DPYD: variants seen among roughly 807,000 people sequenced by gnomAD.
The protein encoded by DPYD is dihydropyrimidine dehydrogenase.
Under a neutral mutation model 116.2 loss-of-function variants are expected in DPYD, and 109 were observed. The ratio of observed to expected loss-of-function variants is 0.94; its 90% confidence interval spans 0.80 to 1.10. DPYD has a LOEUF of 1.10. Ranked by LOEUF, DPYD falls within the 50% of genes least tolerant of loss-of-function variation. The pLI is 0.00. For synonymous variants in DPYD, 440 were observed against 432.0 expected, an observed-to-expected ratio of 1.02 and a Z score of -0.23; for missense variants, 1,302 against 1,254.5, an observed-to-expected ratio of 1.04 and a Z score of -0.57.
At chr1:97,184,017 G>A (rs748734413) in intron 20 of DPYD, among the ~76,000 whole-genome samples, 4 of 151,930 alleles carry the variant, frequency 2.6e-5, no homozygotes, top group Non-Finnish European at 5.9e-5. Context: ...AAAATGGAGT[G>A]TTTAGTTTTC....
chr1:97,605,339 T>C (rs888958334), intron 8 of DPYD, among the ~76,000 whole-genome samples: 4 of 152,000 alleles, frequency 2.6e-5, no homozygotes, highest in African/African-American at 9.7e-5. Flanking sequence ...AGGGACCTGG[T>C]GGGAGGTAAC....
chr1:97,507,642 CAT>C (rs777250573), intron 13 of DPYD, among the ~76,000 whole-genome samples: 9 of 151,962 alleles, frequency 5.9e-5, no homozygotes, highest in Non-Finnish European at 8.8e-5. Flanking sequence ...AATATTATTA[CAT>C]GACATGTTTG....
At chr1:97,799,964 G>A (rs1209961908) in intron 3 of DPYD, among the ~76,000 whole-genome samples, 1 of 151,846 alleles carries the variant, frequency 6.6e-6, no homozygotes, top group Non-Finnish European at 1.5e-5. Flanking sequence ...TCCCCCATTA[G>A]TAGTGATATT....
At chr1:97,684,334 G>A (rs761263573) in intron 7 of DPYD, among the ~76,000 whole-genome samples, 5 of 152,014 alleles carry the variant, frequency 3.3e-5, no homozygotes, top group Non-Finnish European at 7.4e-5. Flanking sequence ...TTCCAATTGC[G>A]TGGTTCTGAG....
chr1:97,381,484 T>C (rs1012088513), intron 15 of DPYD, among the ~76,000 whole-genome samples: 2 of 152,150 alleles, frequency 1.3e-5, no homozygotes, highest in Non-Finnish European at 2.9e-5. Context: ...GGTAAATACA[T>C]GTATCAAATG....
At chr1:97,624,118 A>C (rs1353069515) in intron 8 of DPYD, among the ~76,000 whole-genome samples, 1 of 152,056 alleles carries the variant, frequency 6.6e-6, no homozygotes, top group African/African-American at 2.4e-5. Context: ...AAGCAAAAAT[A>C]GAGAAATGGG....
intron 11 of DPYD, 28 bp downstream of exon 11, chr1:97,573,732 T>C (rs1557808722): frequency 6.2e-7 from 1 of 1,612,756 alleles, no homozygotes; most frequent in Non-Finnish European, 8.5e-7. Context: ...GACAATTGCA[T>C]CACACATTTC....
intron 3 of DPYD, among the ~76,000 whole-genome samples, chr1:97,747,196 TACAGAAACAGTA>T (rs1303975962): frequency 2.6e-5 from 4 of 152,096 alleles, no homozygotes; most frequent in Admixed American, 2.6e-4. Context: ...ATATCAATAA[TACAGAAACAGTA>T]ACAGTAAAGA....
At position 97,470,449 on chromosome 1, in the gene DPYD, A is replaced by G. The variant is rs566152824; in HGVS notation, c.1741-20226T>C. Among the ~76,000 whole-genome samples the G allele has an allele frequency of 2.0e-5, 3 of 152,110 alleles. No homozygotes were observed. The South Asian group carries it at 6.2e-4, about 32-fold the overall frequency. Reference sequence around the variant, plus strand: ...AATGTGTGGCACAATACAAATGATTATTATGATTTCGTGGTCTTCCATGAA... The same window carrying G: ...AATGTGTGGCACAATACAAATGATTGTTATGATTTCGTGGTCTTCCATGAA... On this transcript the variant is annotated intron_variant, in intron 13 of 22. Transcript: ENST00000370192.
In DPYD at chr1:97,724,491, C is replaced by T. The variant is rs565628107; in HGVS notation, c.322-2820G>A. On this transcript the variant is annotated intron_variant, in intron 4 of 22. Transcript: ENST00000370192. ...TTTAGTTCAAGTCTCAGTTGGAAGG[C>T]CTGAGAACCAGTTAAGTTTTAGTTT... Among the ~76,000 whole-genome samples, 4 of 151,478 alleles carry T rather than the reference C, an allele frequency of 2.6e-5. No individual in the cohort carries two copies. The East Asian group carries it at 5.8e-4, about 22-fold the overall frequency.
intron 12 of DPYD, chr1:97,547,017 T>C (rs983541002): frequency 1.3e-4 from 193 of 1,501,578 alleles, no homozygotes; most frequent in Non-Finnish European, 1.7e-4. Context: ...TTTTTGCTGT[T>C]TTGGAAGTTT....
chr1:97,739,067 G>A (rs1476401877), intron 4 of DPYD, among the ~76,000 whole-genome samples: 2 of 152,000 alleles, frequency 1.3e-5, no homozygotes, highest in Non-Finnish European at 2.9e-5. Context: ...GATATGAAGA[G>A]TGTTAACTTA....
intron 12 of DPYD, among the ~76,000 whole-genome samples, chr1:97,522,231 T>A (rs1052586807): frequency 1.3e-5 from 2 of 151,912 alleles, no homozygotes; most frequent in African/African-American, 4.8e-5. Flanking sequence ...AACAACCCCA[T>A]CAAAAAGTAG....
At chr1:97,153,186 A>G (rs748430902) in intron 20 of DPYD, among the ~76,000 whole-genome samples, 1 of 152,206 alleles carries the variant, frequency 6.6e-6, no homozygotes, top group South Asian at 2.1e-4. Flanking sequence ...TTCCATTACT[A>G]CTATACTGAA....
intron 10 of DPYD, among the ~76,000 whole-genome samples, chr1:97,585,639 T>C (rs1654040508): frequency 6.6e-6 from 1 of 152,250 alleles, no homozygotes; most frequent in Admixed American, 6.5e-5. Context: ...CATGTGTATT[T>C]TTCATTTATG....
intron 4 of DPYD, among the ~76,000 whole-genome samples, chr1:97,728,609 A>G (rs993562257): frequency 6.6e-6 from 1 of 152,096 alleles, no homozygotes; most frequent in Middle Eastern, 3.2e-3. Flanking sequence ...CAGTTTTCAC[A>G]GATGGAAGCA....
intron 18 of DPYD, among the ~76,000 whole-genome samples, chr1:97,240,734 T>C (rs1662280412): frequency 6.6e-6 from 1 of 151,924 alleles, no homozygotes; most frequent in South Asian, 2.1e-4. Flanking sequence ...AATTAGTAAA[T>C]CAAGAATTTC....
At chr1:97,631,271 T>C (rs181636165) in intron 8 of DPYD, among the ~76,000 whole-genome samples, 9 of 152,224 alleles carry the variant, frequency 5.9e-5, no homozygotes, top group Admixed American at 2.6e-4. Context: ...AGACTCTCTC[T>C]GACTAGCAAA....
At chr1:97,609,710 C>G (rs956147874) in intron 8 of DPYD, among the ~76,000 whole-genome samples, 1 of 151,868 alleles carries the variant, frequency 6.6e-6, no homozygotes, top group Admixed American at 6.6e-5. Context: ...TTTAGGGCAG[C>G]ATTTAATCTT....
Sources: gnomAD v4.1 joint callset for allele counts (sites outside exome capture counted in the v4.1 genomes callset) on GRCh38, gnomAD v4.1.1 for gene constraint, MANE v1.5 for transcripts, NCBI Gene and HGNC (gene_info 2026-07-23, HGNC 2026-07-21) for gene names.